Variants in SHOC1 observed in about 807,000 individuals in gnomAD.
SHOC1 encodes the protein protein shortage in chiasmata 1 ortholog.
Under a neutral mutation model 179.2 loss-of-function variants are expected in SHOC1, and 136 were observed. That is an observed-to-expected ratio of 0.76 (90% CI 0.66 to 0.87). SHOC1 has a LOEUF of 0.87. SHOC1 is among the 40% of genes least tolerant of loss of function. SHOC1 has a pLI of 0.00. For missense variants in SHOC1, 1,538 were observed against 1,700.8 expected (o/e 0.90, Z 1.68); for synonymous variants, 489 against 586.6 (o/e 0.83, Z 2.41).
At chr9:111,752,843 C>T (rs775865685) in intron 8 of SHOC1, among the ~76,000 whole-genome samples, 1 of 151,998 alleles carries the variant, frequency 6.6e-6, no homozygotes, top group Non-Finnish European at 1.5e-5. Flanking sequence ...TTAGAGGTGA[C>T]ATAAGAGTCA....
chr9:111,760,716 T>A (rs913546633), intron 5 of SHOC1, among the ~76,000 whole-genome samples: 2 of 151,772 alleles, frequency 1.3e-5, no homozygotes, highest in African/African-American at 4.8e-5. Context: ...CATAAAAATA[T>A]TCAGAAAGTA....
chr9:111,691,520 A>G (rs1478125025), intron 27 of SHOC1, 31 bp downstream of exon 27: 3 of 1,519,830 alleles, frequency 2.0e-6, no homozygotes, highest in African/African-American at 2.8e-5. Context: ...TAAATTTGAG[A>G]GTAGTTTTAT....
At position 111,691,871 on chromosome 9, in the gene SHOC1, TTC is replaced by T; in HGVS notation, c.4104_4105del (p.Asn1369SerfsTer15). On this transcript the variant is annotated frameshift_variant, in exon 27 of 28. Coordinates refer to ENST00000682961, the MANE Select transcript of SHOC1 (RefSeq NM_001378211.1). LOFTEE classifies it high-confidence loss of function. ...ACCATATTGTAAGTTGAACGGGTGATTCTCTTGTTCCCATATATTTTTCTTAA... is the reference window on the plus strand; with the variant it reads ...ACCATATTGTAAGTTGAACGGGTGATTCTTGTTCCCATATATTTTTCTTAA... The T allele has an allele frequency of 6.2e-7, 1 of 1,613,872 alleles. No homozygotes were observed. The highest frequency in any genetic ancestry group is 8.5e-7 in the Non-Finnish European group (1 of 1,179,944).
rs1711999915 is a variant in SHOC1, at chr9:111,686,785, C to T, written c.4512G>A (p.Arg1504=). The T allele has an allele frequency of 6.2e-7, 1 of 1,612,236 alleles. No individual in the cohort carries two copies. Among genetic ancestry groups the T allele is most frequent in the Non-Finnish European group, 8.5e-7 (1 of 1,178,658 alleles). ...TTCTCCTCCTTCAAAAAAACCTCAG[C>T]CGAGTCTGCCCATCAACTCTACCAG... ...KVPGRVDGQT[R]LRFF The change falls in exon 28 of 28, where the codon CGG becomes CGA. Residue 1504 remains arginine, a synonymous_variant. Transcript: ENST00000682961.
chr9:111,765,840 A>G (rs889487716), intron 5 of SHOC1, among the ~76,000 whole-genome samples: 3 of 151,844 alleles, frequency 2.0e-5, no homozygotes, highest in Non-Finnish European at 4.4e-5. Flanking sequence ...CAGCCTCCCA[A>G]GTAGCTGGGA....
chr9:111,733,908 T>C (rs1833703650), intron 12 of SHOC1, among the ~76,000 whole-genome samples: 1 of 151,914 alleles, frequency 6.6e-6, no homozygotes, highest in Admixed American at 6.6e-5. Context: ...GAGTCAATAA[T>C]ATGTGGGCTG....
Position 111,787,506 on chromosome 9 carries a change from A to G in SHOC1, c.46-1471T>C, listed in dbSNP as rs77456818. Among the ~76,000 whole-genome samples the G allele has an allele frequency of 1.4e-3, 213 of 152,344 alleles. 1 individual carries two copies. The highest frequency in any genetic ancestry group is 4.9e-3 in the African/African-American group (205 of 41,574). Reference sequence around the variant, plus strand: ...CTATAGAGGTGATAGAAATAGCAAGAGAATTTGAATTAAAAATGGAGCCTG... The same window carrying G: ...CTATAGAGGTGATAGAAATAGCAAGGGAATTTGAATTAAAAATGGAGCCTG... On this transcript the variant is annotated intron_variant, in intron 2 of 27. Transcript: ENST00000682961.
intron 24 of SHOC1, among the ~76,000 whole-genome samples, chr9:111,696,734 G>GA (rs537881027): frequency 6.6e-6 from 1 of 152,052 alleles, no homozygotes; most frequent in Non-Finnish European, 1.5e-5. Context: ...ATGCATAGAG[G>GA]AAAAAAACTT....
intron 15 of SHOC1, among the ~76,000 whole-genome samples, chr9:111,719,827 A>G (rs1187666599): frequency 3.3e-5 from 5 of 152,184 alleles, no homozygotes. Context: ...TCTACATGGA[A>G]GAAGATGAGA....
intron 13 of SHOC1, among the ~76,000 whole-genome samples, chr9:111,726,309 G>A (rs1042361439): frequency 6.6e-6 from 1 of 152,144 alleles, no homozygotes; most frequent in Non-Finnish European, 1.5e-5. Flanking sequence ...GAAATGCACT[G>A]ATTGACACAG....
intron 4 of SHOC1, among the ~76,000 whole-genome samples, chr9:111,776,552 C>G (rs1484891911): frequency 6.6e-6 from 1 of 152,160 alleles, no homozygotes; most frequent in African/African-American, 2.4e-5. Flanking sequence ...GTTCCGTAAC[C>G]TGGGAAGCTA....
chr9:111,760,822 CTA>C (rs148052761), intron 5 of SHOC1, among the ~76,000 whole-genome samples: 27,054 of 151,408 alleles, frequency 0.18, 2,637 homozygotes, highest in Non-Finnish European at 0.22. Context: ...GAAAGACTAA[CTA>C]TGGTAAAATT....
At position 111,727,825 on chromosome 9, in the gene SHOC1, C is replaced by T. The variant is rs41316510; in HGVS notation, c.1642G>A (p.Asp548Asn). 8.7e-6 allele frequency: 14 copies of T among 1,611,304 alleles called. No homozygotes were observed. The highest frequency in any genetic ancestry group is 2.2e-5 in the East Asian group (1 of 44,750). The change falls in exon 13 of 28, where the codon GAT (aspartate) becomes AAT (asparagine). Residue 548 changes from aspartate (D) to asparagine (N), a missense_variant. Asp to Asn is a conservative substitution (Grantham distance 23). Coordinates refer to ENST00000682961, the MANE Select transcript of SHOC1 (RefSeq NM_001378211.1). ...NRIIQKKENN[D>N]HFELDCTGPS... ...CCTGTGCAGTCAAGTTCAAAGTGAT[C>T]GTTATTTTCTTTCTTTTGGATTATT... is the stretch of plus-strand genomic sequence containing the variant.
intron 22 of SHOC1, among the ~76,000 whole-genome samples, chr9:111,703,443 G>T (rs1230784610): frequency 2.0e-5 from 3 of 152,048 alleles, no homozygotes; most frequent in African/African-American, 7.2e-5. Context: ...TTTTTGAAGA[G>T]AAATTCTCTT....
chr9:111,759,326 G>A (rs769833294), intron 5 of SHOC1: 2 of 1,552,534 alleles, frequency 1.3e-6, no homozygotes, highest in East Asian at 2.3e-5. Flanking sequence ...CTACAAATGA[G>A]ACTGATTCTA....
rs532278427 is a variant in SHOC1, at chr9:111,721,770, C to A, written c.2131+639G>T. Among the ~76,000 whole-genome samples the A allele has an allele frequency of 6.6e-5, 10 of 152,306 alleles. No homozygotes were observed. In the South Asian group the frequency reaches 2.1e-3, roughly 32 times the overall value. On this transcript the variant is annotated intron_variant, in intron 15 of 27. Transcript: ENST00000682961. ...TTTGAACTCTTATCTGTCTTGGTCT[C>A]CCTGGACTCTTACCTCCTGTTTCCT...
intron 1 of SHOC1, among the ~76,000 whole-genome samples, chr9:111,794,327 T>C (rs930338530): frequency 6.7e-6 from 1 of 149,522 alleles, no homozygotes; most frequent in Admixed American, 6.6e-5. Flanking sequence ...CTCACACCTG[T>C]AATCCCAGCA....
chr9:111,696,490 G>A (rs2131325147), intron 24 of SHOC1, among the ~76,000 whole-genome samples: 1 of 152,296 alleles, frequency 6.6e-6, no homozygotes, highest in East Asian at 1.9e-4. Context: ...AGAGCAAATT[G>A]ACCATAGTTG....
At chr9:111,752,997 G>A (rs918923805) in intron 8 of SHOC1, among the ~76,000 whole-genome samples, 20 of 152,162 alleles carry the variant, frequency 1.3e-4, no homozygotes, top group African/African-American at 4.8e-4. Context: ...AGGATCACTT[G>A]AGCCCAGGAG....
Sources: gnomAD v4.1 joint callset for allele counts (sites outside exome capture counted in the v4.1 genomes callset) on GRCh38, gnomAD v4.1.1 for gene constraint, MANE v1.5 for transcripts, NCBI Gene and HGNC (gene_info 2026-07-23, HGNC 2026-07-21) for gene names.